PPP3CA: variants seen among roughly 807,000 people sequenced by gnomAD.
PPP3CA encodes protein phosphatase 3 catalytic subunit alpha, also known as CAM-PRP catalytic subunit.
A neutral mutation model predicts 66.5 loss-of-function variants in PPP3CA; 14 were observed. The ratio of observed to expected loss-of-function variants is 0.21; its 90% confidence interval spans 0.14 to 0.33. PPP3CA has a LOEUF of 0.33. Among genes scored for constraint, PPP3CA ranks in the 10% least tolerant of loss-of-function variants. The pLI is 1.00. For synonymous variants in PPP3CA, 232 were observed against 226.2 expected (o/e 1.03, Z -0.23); for missense variants, 317 against 639.5 (o/e 0.50, Z 5.44).
intron 13 of PPP3CA, 106 bp downstream of exon 13, chr4:101,029,060 A>C: frequency 9.6e-7 from 1 of 1,043,506 alleles, no homozygotes; most frequent in East Asian, 2.5e-5. Context: ...CACAACTGTT[A>C]GCTCAACACC....
At chr4:101,074,146 C>A (rs1397864672) in intron 8 of PPP3CA, among the ~76,000 whole-genome samples, 1 of 152,172 alleles carries the variant, frequency 6.6e-6, no homozygotes, top group Non-Finnish European at 1.5e-5. Context: ...TTAAGACAAG[C>A]CTCAGGCTCG....
At chr4:101,171,217 T>C (rs1463666741) in intron 2 of PPP3CA, 2 of 455,976 alleles carry the variant, frequency 4.4e-6, no homozygotes, top group Non-Finnish European at 8.8e-6. Flanking sequence ...CGGGGTCATC[T>C]GTGGAGCTTC....
At chr4:101,029,108 C>T in intron 13 of PPP3CA, 58 bp downstream of exon 13, 1 of 1,500,882 alleles carries the variant, frequency 6.7e-7, no homozygotes, top group Non-Finnish European at 9.3e-7. Flanking sequence ...AAAATGAATA[C>T]ACCCAGCAGA....
intron 1 of PPP3CA, among the ~76,000 whole-genome samples, chr4:101,324,158 A>AGGG (rs1729132880): frequency 5.9e-5 from 3 of 51,182 alleles, no homozygotes; most frequent in African/African-American, 1.9e-4. Flanking sequence ...GGGAGGGAGG[A>AGGG]AGGAAGGAAG....
chr4:101,226,242 A>T (rs1449769841), intron 1 of PPP3CA, among the ~76,000 whole-genome samples: 1 of 151,724 alleles, frequency 6.6e-6, no homozygotes, highest in East Asian at 1.9e-4. Context: ...AGTTACAGAC[A>T]TGCACACATA....
intron 1 of PPP3CA, among the ~76,000 whole-genome samples, chr4:101,324,781 A>G (rs1729161216): frequency 6.6e-6 from 1 of 152,196 alleles, no homozygotes. Flanking sequence ...CAGTCTTGCA[A>G]AAAAGGAAAT....
At chr4:101,338,361 A>G (rs17031180) in intron 1 of PPP3CA, among the ~76,000 whole-genome samples, 16,192 of 152,282 alleles carry the variant, frequency 0.11, 2,923 homozygotes, top group African/African-American at 0.37. Context: ...CTCATCAGAC[A>G]TTTGTGTACT....
chr4:101,036,255 T>A (rs1245458634), intron 11 of PPP3CA, among the ~76,000 whole-genome samples: 1 of 152,216 alleles, frequency 6.6e-6, no homozygotes, highest in Non-Finnish European at 1.5e-5. Flanking sequence ...AAATGACAGA[T>A]GTGGCTCACA....
At chr4:101,103,392 G>C (rs561763960) in intron 3 of PPP3CA, among the ~76,000 whole-genome samples, 38 of 152,246 alleles carry the variant, frequency 2.5e-4, no homozygotes, top group African/African-American at 8.7e-4. Flanking sequence ...ATCAAATGTA[G>C]CTCCTCTAAG....
intron 1 of PPP3CA, among the ~76,000 whole-genome samples, chr4:101,199,738 G>T (rs1450558549): frequency 2.0e-5 from 3 of 152,132 alleles, no homozygotes; most frequent in Non-Finnish European, 4.4e-5. Flanking sequence ...GTGGAAATCC[G>T]GCAGAGACTG....
In PPP3CA at chr4:101,026,082, A is replaced by G. The variant is rs540451049; in HGVS notation, c.1370-21T>C. On this transcript the variant is annotated intron_variant, in intron 13 of 13. Coordinates refer to ENST00000394854, the MANE Select transcript of PPP3CA (RefSeq NM_000944.5). ...GATAGCTAAACAGAAAATCATTAAA[A>G]AAAGAAAACCAGGATTATCCAAAGG... 6.4e-6 allele frequency: 10 copies of G among 1,564,996 alleles called. No homozygotes were observed. In the South Asian group the frequency reaches 1.1e-4, roughly 17 times the overall value.
intron 3 of PPP3CA, among the ~76,000 whole-genome samples, chr4:101,107,826 G>A (rs1049386722): frequency 6.6e-6 from 1 of 152,182 alleles, no homozygotes; most frequent in African/African-American, 2.4e-5. Flanking sequence ...ATGAATATAT[G>A]ATGTTGGTGT....
In PPP3CA at chr4:101,048,319, T is replaced by C. The variant is rs1211793445; in HGVS notation, c.1157-7753A>G. 2.6e-5 allele frequency among the ~76,000 whole-genome samples: 4 copies of C among 152,030 alleles called. No individual in the cohort carries two copies. The South Asian group carries it at 8.3e-4, about 31-fold the overall frequency. On this transcript the variant is annotated intron_variant, in intron 10 of 13. Coordinates refer to ENST00000394854, the MANE Select transcript of PPP3CA (RefSeq NM_000944.5). Reference sequence around the variant, plus strand: ...TAACTCCTCTTGAAATGTCTTATGGTAATCGCGACAGTACAAATATTCCAG... The same window carrying C: ...TAACTCCTCTTGAAATGTCTTATGGCAATCGCGACAGTACAAATATTCCAG...
At chr4:101,104,663 AAAC>A (rs1730582382) in intron 3 of PPP3CA, among the ~76,000 whole-genome samples, 1 of 152,200 alleles carries the variant, frequency 6.6e-6, no homozygotes, top group South Asian at 2.1e-4. Context: ...CAAACTATTG[AAAC>A]AACAGCATTT....
At chr4:101,106,794 A>G (rs1011840819) in intron 3 of PPP3CA, among the ~76,000 whole-genome samples, 2 of 152,144 alleles carry the variant, frequency 1.3e-5, no homozygotes, top group African/African-American at 4.8e-5. Context: ...TGATGTAGCC[A>G]TCTTGGGTTA....
intron 3 of PPP3CA, among the ~76,000 whole-genome samples, chr4:101,102,976 G>T (rs1162956521): frequency 1.3e-5 from 2 of 152,100 alleles, no homozygotes; most frequent in African/African-American, 4.8e-5. Context: ...GTTAGTTTAG[G>T]TTACTCAATA....
intron 8 of PPP3CA, among the ~76,000 whole-genome samples, chr4:101,076,561 A>T (rs1322490429): frequency 2.0e-5 from 3 of 152,216 alleles, no homozygotes; most frequent in Non-Finnish European, 4.4e-5. Context: ...CGCAGACTGG[A>T]GTGGGTCTAG....
chr4:101,073,501 T>C (rs1391490275), intron 8 of PPP3CA, among the ~76,000 whole-genome samples: 1 of 152,088 alleles, frequency 6.6e-6, no homozygotes, highest in Non-Finnish European at 1.5e-5. Context: ...GGTCTCGAAC[T>C]TCTGACCTCA....
chr4:101,116,740 T>A (rs549117187), intron 2 of PPP3CA, among the ~76,000 whole-genome samples: 12 of 151,954 alleles, frequency 7.9e-5, no homozygotes, highest in Admixed American at 3.3e-4. Flanking sequence ...TAAGAAAAAA[T>A]AACATCGTTC....
Sources: gnomAD v4.1 joint callset for allele counts (sites outside exome capture counted in the v4.1 genomes callset) on GRCh38, gnomAD v4.1.1 for gene constraint, MANE v1.5 for transcripts, NCBI Gene and HGNC (gene_info 2026-07-23, HGNC 2026-07-21) for gene names.